Variants in TEX9 observed in about 807,000 individuals in gnomAD.
TEX9 encodes the protein testis expressed 9.
In TEX9, 74 loss-of-function variants were observed where a neutral mutation model predicts 59.6. That is an observed-to-expected ratio of 1.24 (90% confidence interval 1.03 to 1.51). The LOEUF is 1.51. Among genes scored for constraint, TEX9 ranks in the 40% most tolerant of loss-of-function variants. The pLI, the probability that TEX9 is intolerant of heterozygous loss-of-function variation, is 0.00. For missense variants in TEX9, 522 were observed against 447.8 expected (o/e 1.17, Z -1.49); for synonymous variants, 186 against 152.2 (o/e 1.22, Z -1.64).
intron 1 of TEX9, among the ~76,000 whole-genome samples, chr15:56,287,373 C>A (rs2044978633): frequency 6.6e-6 from 1 of 151,880 alleles, no homozygotes; most frequent in South Asian, 2.1e-4. Context: ...AAGCAAAGAA[C>A]TTAACTTTTT....
At chr15:56,413,211 A>AATTAAATAATTTAACTTATTTAATT (rs2049463655) in intron 10 of TEX9, among the ~76,000 whole-genome samples, 1 of 145,772 alleles carries the variant, frequency 6.9e-6, no homozygotes, top group African/African-American at 2.5e-5. Flanking sequence ...AATATTTAAT[A>AATTAAATAATTTAACTTATTTAATT]ATTAAATAAT....
chr15:56,390,333 T>A (rs1322525183), intron 6 of TEX9, among the ~76,000 whole-genome samples: 4 of 151,988 alleles, frequency 2.6e-5, no homozygotes, highest in African/African-American at 7.3e-5. Context: ...ATTATATTTT[T>A]AAAATAAAGA....
chr15:56,272,242 G>A (rs2141401372), intron 1 of TEX9, among the ~76,000 whole-genome samples: 1 of 152,196 alleles, frequency 6.6e-6, no homozygotes, highest in East Asian at 1.9e-4. Context: ...ATCGCCCCAA[G>A]AAGAAACTTG....
chr15:56,394,587 G>A (rs752922523), intron 8 of TEX9, 74 bp from the exon 9 acceptor site: 82 of 1,096,910 alleles, frequency 7.5e-5, no homozygotes, highest in Non-Finnish European at 1.0e-4. Flanking sequence ...CATATGAAAC[G>A]TCTTTTTTTC....
At chr15:56,385,053 C>T in intron 4 of TEX9, among the ~76,000 whole-genome samples, 1 of 152,168 alleles carries the variant, frequency 6.6e-6, no homozygotes, top group African/African-American at 2.4e-5. Flanking sequence ...GAGTCAACCT[C>T]CATTCTTTTG....
intron 1 of TEX9, among the ~76,000 whole-genome samples, chr15:56,316,732 G>T (rs1395269488): frequency 3.3e-5 from 5 of 152,180 alleles, no homozygotes; most frequent in Non-Finnish European, 7.4e-5. Flanking sequence ...GGCAATGGTG[G>T]GCGCCCCTCC....
intron 1 of TEX9, among the ~76,000 whole-genome samples, chr15:56,316,201 C>G (rs1255900223): frequency 6.7e-6 from 1 of 148,634 alleles, no homozygotes; most frequent in Admixed American, 6.8e-5. Context: ...TAAGGAACTG[C>G]GTTCCTTTGG....
At chr15:56,301,159 A>G (rs2045351613) in intron 1 of TEX9, among the ~76,000 whole-genome samples, 1 of 152,208 alleles carries the variant, frequency 6.6e-6, no homozygotes, top group Non-Finnish European at 1.5e-5. Context: ...TTTAATGAAG[A>G]GATTTGATAA....
At chr15:56,404,933 G>A (rs2049001025) in intron 9 of TEX9, among the ~76,000 whole-genome samples, 1 of 152,100 alleles carries the variant, frequency 6.6e-6, no homozygotes, top group African/African-American at 2.4e-5. Context: ...ATTGAACAAT[G>A]AGACCACTTG....
intron 1 of TEX9, among the ~76,000 whole-genome samples, chr15:56,254,667 G>A (rs1487670321): frequency 2.0e-5 from 3 of 151,498 alleles, no homozygotes; most frequent in African/African-American, 7.3e-5. Flanking sequence ...AGTTTGCAGA[G>A]ACACCAAACT....
intron 12 of TEX9, chr15:56,434,448 T>C: frequency 1.3e-6 from 2 of 1,526,714 alleles, no homozygotes; most frequent in Non-Finnish European, 1.8e-6. Context: ...ACACCAGATT[T>C]ATAAGGAAAG....
intron 1 of TEX9, among the ~76,000 whole-genome samples, chr15:56,324,635 A>T (rs2045982091): frequency 1.3e-5 from 2 of 152,226 alleles, no homozygotes; most frequent in Admixed American, 6.5e-5. Context: ...AAGTATGGAA[A>T]TGTGGTGAAC....
At chr15:56,363,334 G>A (rs539179528), upstream of TEX9, among the ~76,000 whole-genome samples, 2 of 149,946 alleles carry the variant, frequency 1.3e-5, no homozygotes, top group East Asian at 2.0e-4. Flanking sequence ...GTGCTATCTC[G>A]GCTCACTGCA....
chr15:56,419,989 G>A (rs2049893282), intron 10 of TEX9, among the ~76,000 whole-genome samples: 1 of 151,004 alleles, frequency 6.6e-6, no homozygotes, highest in Non-Finnish European at 1.5e-5. Context: ...ATTTTATTGT[G>A]TTTTGGGTGC....
chr15:56,354,958 TTTGA>T (rs879268456), intron 1 of TEX9, among the ~76,000 whole-genome samples: 1 of 152,214 alleles, frequency 6.6e-6, no homozygotes, highest in Admixed American at 6.5e-5. Context: ...TTTTCCCTAG[TTTGA>T]TTGAGGAATA....
intron 12 of TEX9, among the ~76,000 whole-genome samples, chr15:56,442,715 A>G (rs1408413751): frequency 6.6e-6 from 1 of 152,156 alleles, no homozygotes; most frequent in Non-Finnish European, 1.5e-5. Context: ...AAAGAAGGAA[A>G]ACAGACACTG....
chr15:56,299,826 A>G (rs940961534), intron 1 of TEX9, among the ~76,000 whole-genome samples: 2 of 152,192 alleles, frequency 1.3e-5, no homozygotes, highest in African/African-American at 4.8e-5. Flanking sequence ...GAAAGGACCC[A>G]GTTCTGGCAG....
chr15:56,351,495 G>T (rs142099682), intron 1 of TEX9, among the ~76,000 whole-genome samples: 2 of 152,290 alleles, frequency 1.3e-5, no homozygotes, highest in Admixed American at 6.5e-5. Context: ...ACATGCAGAG[G>T]ACTGAAACCA....
At chr15:56,345,194 C>T (rs958256382) in intron 1 of TEX9, among the ~76,000 whole-genome samples, 1 of 151,390 alleles carries the variant, frequency 6.6e-6, no homozygotes, top group Non-Finnish European at 1.5e-5. Flanking sequence ...TAAGAGACCT[C>T]CACTGAATGA....
Sources: allele counts gnomAD v4.1 joint callset (sites outside exome capture counted in the v4.1 genomes callset), GRCh38; gene constraint gnomAD v4.1.1; transcripts MANE v1.5; gene names NCBI Gene and HGNC (gene_info 2026-07-23, HGNC 2026-07-21).